Variants in ASS1 observed in about 807,000 individuals in gnomAD.
ASS1 encodes the protein argininosuccinate synthase.
ASS1 carries 58 observed loss-of-function variants against 60.5 expected under a neutral mutation model. That is an observed-to-expected ratio of 0.96 (90% CI 0.78 to 1.19). The LOEUF (loss-of-function observed/expected upper bound fraction) is 1.19. Ranked by LOEUF, ASS1 falls within the 50% of genes most tolerant of loss-of-function variation. ASS1 has a pLI of 0.00. For synonymous variants in ASS1, 200 were observed against 206.9 expected, an observed-to-expected ratio of 0.97 and a Z score of 0.29; for missense variants, 454 against 547.3, an observed-to-expected ratio of 0.83 and a Z score of 1.70.
rs769634647 is a variant in ASS1 at position 130,494,908 on chromosome 9, A to T, written c.1012A>T (p.Ile338Phe). 6.2e-7 allele frequency: 1 copy of T among 1,613,480 alleles called. No individual in the cohort carries two copies. The highest frequency in any genetic ancestry group is 8.5e-7 in the Non-Finnish European group (1 of 1,179,904). Residue 338 changes from isoleucine (I) to phenylalanine (F), a missense_variant, in exon 13 of 15, where the codon ATC (isoleucine) becomes TTC (phenylalanine). Ile to Phe is a conservative substitution (Grantham distance 21). Transcript: ENST00000352480. This position sits in a 1 kb window ranked among gnomAD's most constrained non-coding sequence, Gnocchi z 4.3. ...TGAGTGTGAATTTGTCCGCCACTGCATCGCCAAGTCCCAGGAGCGAGTGGA... is the reference window on the plus strand; with the variant it reads ...TGAGTGTGAATTTGTCCGCCACTGCTTCGCCAAGTCCCAGGAGCGAGTGGA... ...SPECEFVRHCIAKSQERVEGK... is the reference protein window; with the variant it reads ...SPECEFVRHCFAKSQERVEGK...
At position 130,494,023 on chromosome 9, in the gene ASS1, G is replaced by A. The variant is rs73544070; in HGVS notation, c.971-844G>A. 0.037 allele frequency among the ~76,000 whole-genome samples: 5,570 copies of A among 152,238 alleles called. 347 individuals are homozygous for A. Among genetic ancestry groups the A allele is most frequent in the African/African-American group, 0.13 (5,314 of 41,528 alleles). Reference sequence around the variant, plus strand: ...AGTCAAATGGAGGCTCCCCACTTCCGGCCTGTGTGATCCTGGAGAAGTTTC... The same window carrying A: ...AGTCAAATGGAGGCTCCCCACTTCCAGCCTGTGTGATCCTGGAGAAGTTTC... On this transcript the variant is annotated intron_variant, in intron 12 of 14. Coordinates refer to ENST00000352480, the MANE Select transcript of ASS1 (RefSeq NM_054012.4). This position sits in a 1 kb window ranked among gnomAD's most constrained non-coding sequence, Gnocchi z 4.3.
At chr9:130,483,497 T>C (rs1846219997) in intron 11 of ASS1, among the ~76,000 whole-genome samples, 1 of 149,460 alleles carries the variant, frequency 6.7e-6, no homozygotes. Context: ...CACATGTCAT[T>C]ATCACATTAT....
rs1347827244 is a variant in ASS1, at chr9:130,501,005, AG to A, written c.1225del (p.Val409SerfsTer32). 2 of 1,613,582 alleles carry A rather than the reference AG, an allele frequency of 1.2e-6. No homozygotes were observed. Among genetic ancestry groups the A allele is most frequent in the South Asian group, 2.2e-5 (2 of 91,086 alleles). Reference sequence around the variant, plus strand: ...AAGGAATATCATCGTCTCCAGAGCAAGGTCACTGCCAAATAGACCCGTGTAC... The same window carrying A: ...AAGGAATATCATCGTCTCCAGAGCAAGTCACTGCCAAATAGACCCGTGTAC... The part of the protein sequence containing the change: ...RLKEYHRLQS[K>X]VTAK On this transcript the variant is annotated frameshift_variant, in exon 15 of 15. Transcript: ENST00000352480. LOFTEE classifies it high-confidence loss of function.
At chr9:130,480,801 G>A (rs1846153403) in intron 11 of ASS1, among the ~76,000 whole-genome samples, 3 of 152,216 alleles carry the variant, frequency 2.0e-5, no homozygotes, top group African/African-American at 4.8e-5. Flanking sequence ...GTGCAGGCCC[G>A]ATTTCGTGGT....
chr9:130,482,309 G>C (rs1301066150), intron 11 of ASS1, among the ~76,000 whole-genome samples: 1 of 150,444 alleles, frequency 6.6e-6, no homozygotes, highest in African/African-American at 2.5e-5. Context: ...CCATCCTCTG[G>C]GAGCTGTCAG....
chr9:130,451,875 C>T (rs753257646), intron 1 of ASS1: 8 of 493,798 alleles, frequency 1.6e-5, no homozygotes, highest in South Asian at 3.1e-5. Context: ...CTCCTGCCTG[C>T]GTGCATTCCT....
Position 130,491,796 on chromosome 9 carries a change from G to A in ASS1, c.970+2332G>A, listed in dbSNP as rs187831449. 4.3e-3 allele frequency among the ~76,000 whole-genome samples: 661 copies of A among 152,260 alleles called. 3 individuals carry two copies. Among genetic ancestry groups the A allele is most frequent in the Middle Eastern group, 0.017 (5 of 294 alleles). On this transcript the variant is annotated intron_variant, in intron 12 of 14. Transcript: ENST00000352480. The surrounding 1 kb of genome is among the most constrained non-coding windows in gnomAD (Gnocchi z 5.3). Reference sequence around the variant, plus strand: ...ACAAAATCTCAGAGTGGAGGCGAGGGAGAGTAGGGGCTTCTTCTGGGTAGT... The same window carrying A: ...ACAAAATCTCAGAGTGGAGGCGAGGAAGAGTAGGGGCTTCTTCTGGGTAGT...
intron 2 of ASS1, among the ~76,000 whole-genome samples, chr9:130,453,548 A>G (rs1312333156): frequency 6.6e-6 from 1 of 152,224 alleles, no homozygotes; most frequent in Admixed American, 6.5e-5. Flanking sequence ...ATCTCACTGT[A>G]GGTAGCACAG....
At chr9:130,468,606 TA>T (rs1458582792) in intron 6 of ASS1, among the ~76,000 whole-genome samples, 1 of 152,120 alleles carries the variant, frequency 6.6e-6, no homozygotes, top group African/African-American at 2.4e-5. Context: ...TTTATTTATT[TA>T]TTTTTTTACA....
At chr9:130,464,045 C>T (rs1564906352) in intron 4 of ASS1, 66 bp from the exon 5 acceptor site, 6 of 1,568,948 alleles carry the variant, frequency 3.8e-6, no homozygotes, top group South Asian at 3.3e-5. Context: ...CTTGTCCTCA[C>T]GTCCTCCCCC....
chr9:130,487,943 C>G (rs540229516), intron 11 of ASS1, among the ~76,000 whole-genome samples: 3 of 152,124 alleles, frequency 2.0e-5, no homozygotes, highest in African/African-American at 7.2e-5. Context: ...TTAGTAGAGA[C>G]GGGGTTTCAC....
chr9:130,477,012 G>A lies in ASS1; in HGVS notation c.688+51G>A. On this transcript the variant is annotated intron_variant, in intron 9 of 14. Coordinates refer to ENST00000352480, the MANE Select transcript of ASS1 (RefSeq NM_054012.4). This position sits in a 1 kb window ranked among gnomAD's most constrained non-coding sequence, Gnocchi z 4.2. ...AAGGGGGTTGACTTTTGGGGCCCTGGCTCCTTTCCCCTCCCTGCCTGGGAA... is the reference window on the plus strand; with the variant it reads ...AAGGGGGTTGACTTTTGGGGCCCTGACTCCTTTCCCCTCCCTGCCTGGGAA... The A allele has an allele frequency of 6.4e-7, 1 of 1,561,426 alleles. No individual in the cohort carries two copies. Among genetic ancestry groups the A allele is most frequent in the East Asian group, 2.2e-5 (1 of 44,598 alleles).
intron 10 of ASS1, 104 bp downstream of exon 10, chr9:130,479,904 G>A (rs200871837): frequency 1.6e-5 from 20 of 1,285,954 alleles, no homozygotes; most frequent in South Asian, 2.4e-5. Flanking sequence ...TCAGGGGTGC[G>A]GAGCACAGGC....
intron 11 of ASS1, among the ~76,000 whole-genome samples, chr9:130,481,445 C>T (rs1819172525): frequency 6.6e-6 from 1 of 152,158 alleles, no homozygotes; most frequent in African/African-American, 2.4e-5. Context: ...CAAATATCAC[C>T]TGGCCACGGT....
At chr9:130,457,750 G>A (rs1041200404) in intron 3 of ASS1, among the ~76,000 whole-genome samples, 2 of 152,150 alleles carry the variant, frequency 1.3e-5, no homozygotes, top group African/African-American at 4.8e-5. Context: ...CCCCAACAGG[G>A]ACAAAACCGT....
chr9:130,446,148 T>C (rs4740435), intron 1 of ASS1, among the ~76,000 whole-genome samples: 130,699 of 152,240 alleles, frequency 0.86, 56,174 homozygotes, highest in East Asian at 0.9. Flanking sequence ...CCACCCAAAG[T>C]GCCTGGCCCC....
downstream of ASS1, chr9:130,501,274 AGTGAGTGTGTGT>A: frequency 2.2e-6 from 1 of 446,728 alleles, no homozygotes; most frequent in Non-Finnish European, 3.9e-6. Context: ...TTTTATTTCT[AGTGAGTGTGTGT>A]GTGTGTGTGT....
chr9:130,485,585 G>A (rs71501138), intron 11 of ASS1, among the ~76,000 whole-genome samples: 5,837 of 152,240 alleles, frequency 0.038, 155 homozygotes, highest in Non-Finnish European at 0.054. Flanking sequence ...TTGAAAATGA[G>A]GAGGGCTCCT....
chr9:130,466,467 A>C, intron 5 of ASS1: 2 of 553,908 alleles, frequency 3.6e-6, no homozygotes, highest in Non-Finnish European at 6.5e-6. Flanking sequence ...GGCCCAGGGA[A>C]CAGGGACCCC....
Sources: allele counts gnomAD v4.1 joint callset (sites outside exome capture counted in the v4.1 genomes callset), GRCh38; gene constraint gnomAD v4.1.1; non-coding constraint Gnocchi (gnomAD v3.1); transcripts MANE v1.5; gene names NCBI Gene and HGNC (gene_info 2026-07-23, HGNC 2026-07-21).